The following PAM variants were observed in gnomAD, a reference collection of about 807,000 sequenced individuals.
PAM encodes the protein peptidylglycine alpha-amidating monooxygenase.
In PAM, 72 loss-of-function variants were observed where a neutral mutation model predicts 122.1. The ratio of observed to expected loss-of-function variants is 0.59; its 90% confidence interval spans 0.49 to 0.72. The LOEUF (loss-of-function observed/expected upper bound fraction) is 0.72, where lower values mean the gene tolerates loss of function less well. Among genes scored for constraint, PAM ranks in the 30% least tolerant of loss-of-function variants. PAM has a pLI of 0.00. For missense variants in PAM, 1,106 were observed against 1,183.7 expected (o/e 0.93, Z 0.96); for synonymous variants, 389 against 404.4 (o/e 0.96, Z 0.46).
At chr5:102,929,781 C>G (rs1750822299) in intron 7 of PAM, among the ~76,000 whole-genome samples, 1 of 152,080 alleles carries the variant, frequency 6.6e-6, no homozygotes, top group African/African-American at 2.4e-5. Flanking sequence ...CAAGCTTGTC[C>G]AAGCTGCAGG....
intron 23 of PAM, among the ~76,000 whole-genome samples, chr5:103,023,339 T>C (rs1231478515): frequency 6.6e-6 from 1 of 152,096 alleles, no homozygotes; most frequent in Non-Finnish European, 1.5e-5. Flanking sequence ...ATACCCACCT[T>C]CAAACAAGAA....
At chr5:102,993,167 C>A (rs1331084819) in intron 16 of PAM, among the ~76,000 whole-genome samples, 1 of 152,084 alleles carries the variant, frequency 6.6e-6, no homozygotes, top group African/African-American at 2.4e-5. Flanking sequence ...TCCCTTACTT[C>A]AATATCGCTT....
At chr5:102,819,643 G>A (rs979965344) in intron 1 of PAM, among the ~76,000 whole-genome samples, 9 of 152,046 alleles carry the variant, frequency 5.9e-5, no homozygotes, top group Non-Finnish European at 1.3e-4. Flanking sequence ...TTTGAGAGGA[G>A]AGTCATTCTA....
intron 21 of PAM, among the ~76,000 whole-genome samples, chr5:103,012,646 A>C (rs1780943590): frequency 6.6e-6 from 1 of 152,040 alleles, no homozygotes; most frequent in Admixed American, 6.6e-5. Flanking sequence ...TGAGGTCAGG[A>C]GATCGAGACC....
chr5:102,968,933 T>C (rs1365254903), intron 14 of PAM, among the ~76,000 whole-genome samples: 1 of 152,162 alleles, frequency 6.6e-6, no homozygotes, highest in Non-Finnish European at 1.5e-5. Context: ...GTTCATGTCC[T>C]TTGCAGGGAT....
intron 3 of PAM, among the ~76,000 whole-genome samples, chr5:102,878,541 T>C (rs1338081095): frequency 6.6e-6 from 1 of 152,024 alleles, no homozygotes; most frequent in Non-Finnish European, 1.5e-5. Context: ...CTCCAGCAGG[T>C]CCTTCAGGAG....
At chr5:102,994,934 T>C (rs1459523459) in intron 16 of PAM, among the ~76,000 whole-genome samples, 1 of 152,162 alleles carries the variant, frequency 6.6e-6, no homozygotes, top group East Asian at 1.9e-4. Context: ...GTTTCGTTTG[T>C]AGAGAACTCA....
intron 12 of PAM, among the ~76,000 whole-genome samples, chr5:102,952,413 C>T (rs1759246269): frequency 6.6e-6 from 1 of 151,938 alleles, no homozygotes; most frequent in Non-Finnish European, 1.5e-5. Flanking sequence ...TAAAATAATA[C>T]CCTAAAATGA....
rs1003541563 is a variant in PAM at position 102,910,350 on chromosome 5, T to C, written c.269-3584T>C. Among the ~76,000 whole-genome samples, 125 of 152,060 alleles carry C rather than the reference T, an allele frequency of 8.2e-4. 1 individual carries two copies. Among genetic ancestry groups the C allele is most frequent in the African/African-American group, 2.8e-3 (116 of 41,540 alleles). ...ATCCACACATATGGTTTCAGGTCTT[T>C]TATTTCAGACGACATTATCCTTTGA... On this transcript the variant is annotated intron_variant, in intron 4 of 25. Coordinates refer to ENST00000438793, the MANE Select transcript of PAM (RefSeq NM_001177306.2).
chr5:102,979,797 A>T (rs923255375), intron 15 of PAM, among the ~76,000 whole-genome samples: 2 of 151,926 alleles, frequency 1.3e-5, no homozygotes, highest in African/African-American at 4.8e-5. Context: ...GCAGTATTTA[A>T]TTTTTTTCTA....
intron 5 of PAM, among the ~76,000 whole-genome samples, chr5:102,919,042 TG>T (rs1746442459): frequency 6.6e-6 from 1 of 152,004 alleles, no homozygotes; most frequent in African/African-American, 2.4e-5. Flanking sequence ...TGTTTTTTGA[TG>T]AAAAAAAATC....
Position 103,007,673 on chromosome 5 carries a change from A to G in PAM, c.2215+16A>G, listed in dbSNP as rs757157772. 1.4e-6 allele frequency: 2 copies of G among 1,473,952 alleles called. No homozygotes were observed. Among genetic ancestry groups the G allele is most frequent in the Non-Finnish European group, 1.9e-6 (2 of 1,053,474 alleles). The allele number at this position is 1,473,952 out of a possible 1,614,324, so 91.3% of individuals were successfully genotyped here. ...TATATACCAGGTATTTCATCTTAAT[A>G]TGTTTGTTGTCTTCTGTCCTACTGT... On this transcript the variant is annotated intron_variant, in intron 20 of 25. Transcript: ENST00000438793.
In PAM at chr5:102,936,233, G is replaced by A. The variant is rs115078906; in HGVS notation, c.526+9565G>A. Among the ~76,000 whole-genome samples, 526 of 152,162 alleles carry A rather than the reference G, an allele frequency of 3.5e-3. 5 individuals carry two copies. Among genetic ancestry groups the A allele is most frequent in the African/African-American group, 0.012 (501 of 41,526 alleles). ...GGTGGGAAAATTTACATTGAAATCAGCTATGGTGGAAAAATTTACACCATG... is the reference window on the plus strand; with the variant it reads ...GGTGGGAAAATTTACATTGAAATCAACTATGGTGGAAAAATTTACACCATG... On this transcript the variant is annotated intron_variant, in intron 7 of 25. Transcript: ENST00000438793.
At chr5:102,761,192 G>A (rs1259974792) in intron 1 of PAM, among the ~76,000 whole-genome samples, 2 of 152,194 alleles carry the variant, frequency 1.3e-5, no homozygotes, top group Non-Finnish European at 2.9e-5. Flanking sequence ...GAGTTTAAGA[G>A]GGTAGCTTCA....
chr5:102,956,300 T>G (rs1760720898), intron 12 of PAM, among the ~76,000 whole-genome samples: 2 of 152,164 alleles, frequency 1.3e-5, no homozygotes, highest in Admixed American at 6.5e-5. Context: ...TATATGTGCA[T>G]GTGTGTACAC....
chr5:102,959,187 C>T (rs973198402), intron 12 of PAM, among the ~76,000 whole-genome samples: 6 of 152,072 alleles, frequency 3.9e-5, no homozygotes, highest in African/African-American at 1.4e-4. Context: ...AGCACTACTT[C>T]CGTCACATCT....
At chr5:102,946,654 G>T (rs1757142000) in intron 7 of PAM, among the ~76,000 whole-genome samples, 183 bp from the exon 8 acceptor site, 1 of 150,464 alleles carries the variant, frequency 6.6e-6, no homozygotes, top group Non-Finnish European at 1.5e-5. Context: ...TTGCTGTTAT[G>T]ATACATTGGC....
intron 1 of PAM, among the ~76,000 whole-genome samples, chr5:102,852,926 T>G (rs1467480254): frequency 6.6e-6 from 1 of 152,212 alleles, no homozygotes; most frequent in Non-Finnish European, 1.5e-5. Context: ...TGTCCGTATT[T>G]CTCTAAGGAA....
In PAM at chr5:102,991,415, A is replaced by AT. The variant is rs559021287; in HGVS notation, c.1613+1020dup. Among the ~76,000 whole-genome samples the AT allele has an allele frequency of 4.9e-3, 742 of 152,242 alleles. 15 individuals carry two copies. Among genetic ancestry groups the AT allele is most frequent in the Non-Finnish European group, 2.3e-3 (156 of 68,010 alleles). Reference sequence around the variant, plus strand: ...TTTACATAGGGAGATAAATTTTAAGATTTTTTATCAATTACATCTAATATA... The same window carrying AT: ...TTTACATAGGGAGATAAATTTTAAGATTTTTTTATCAATTACATCTAATATA... On this transcript the variant is annotated intron_variant, in intron 16 of 25. Coordinates refer to ENST00000438793, the MANE Select transcript of PAM (RefSeq NM_001177306.2).
Sources: allele counts gnomAD v4.1 joint callset (sites outside exome capture counted in the v4.1 genomes callset), GRCh38; gene constraint gnomAD v4.1.1; transcripts MANE v1.5; gene names NCBI Gene and HGNC (gene_info 2026-07-23, HGNC 2026-07-21).